The following AKAP13 variants were observed in gnomAD, a reference collection of about 807,000 sequenced individuals.
AKAP13 encodes A-kinase anchoring protein 13, also known as A-kinase anchor protein 13.
In AKAP13, 80 loss-of-function variants were observed where a neutral mutation model predicts 264.5. The ratio of observed to expected loss-of-function variants is 0.30; its 90% CI spans 0.25 to 0.36. AKAP13 has a LOEUF of 0.36. Among genes scored for constraint, AKAP13 ranks in the 10% least tolerant of loss-of-function variants. AKAP13 has a pLI of 1.00. For synonymous variants in AKAP13, 1,380 were observed against 1,250.2 expected, an observed-to-expected ratio of 1.10 and a Z score of -2.19; for missense variants, 3,712 against 3,435.2, an observed-to-expected ratio of 1.08 and a Z score of -2.01.
chr15:85,381,910 A>C (rs1028181222), intron 1 of AKAP13: 2 of 152,212 alleles, frequency 1.3e-5, no homozygotes, highest in African/African-American at 4.8e-5. Flanking sequence ...AGATGAGGAC[A>C]AACGGTGCAG....
chr15:85,681,145 A>G (rs2084577267), intron 14 of AKAP13, among the ~76,000 whole-genome samples: 1 of 152,230 alleles, frequency 6.6e-6, no homozygotes, highest in Admixed American at 6.5e-5. Flanking sequence ...GTAGTAGAAC[A>G]TCTTCAAATC....
At chr15:85,583,096 C>G (rs2079192009) in intron 7 of AKAP13, 1 of 985,482 alleles carries the variant, frequency 1.0e-6, no homozygotes, top group Non-Finnish European at 1.2e-6. Context: ...ATGCACACTT[C>G]TATACCACCA....
intron 1 of AKAP13, among the ~76,000 whole-genome samples, chr15:85,466,283 T>A (rs1017590415): frequency 1.3e-5 from 2 of 152,068 alleles, no homozygotes; most frequent in African/African-American, 2.4e-5. Flanking sequence ...GTTGTGAAAA[T>A]TTTCTCCCAT....
At chr15:85,442,138 G>A (rs903104800) in intron 1 of AKAP13, among the ~76,000 whole-genome samples, 8 of 151,852 alleles carry the variant, frequency 5.3e-5, no homozygotes, top group South Asian at 4.1e-4. Context: ...TAGGCTGGGC[G>A]CGGTGGCTCA....
intron 2 of AKAP13, among the ~76,000 whole-genome samples, chr15:85,496,081 C>T (rs547161859): frequency 2.0e-5 from 3 of 152,302 alleles, no homozygotes; most frequent in East Asian, 3.9e-4. Context: ...ATACACATTA[C>T]CTGATTTAAT....
chr15:85,447,374 A>ATT (rs2073937852), intron 1 of AKAP13, among the ~76,000 whole-genome samples: 1 of 151,568 alleles, frequency 6.6e-6, no homozygotes, highest in African/African-American at 2.4e-5. Context: ...CCTTTTTTAA[A>ATT]AAAAAATTTT....
chr15:85,686,137 A>G (rs2084898006), intron 16 of AKAP13, among the ~76,000 whole-genome samples: 3 of 132,058 alleles, frequency 2.3e-5, no homozygotes, highest in South Asian at 4.8e-4. Context: ...AACTCTTGCA[A>G]GGAATCACTG....
At chr15:85,393,187 G>A (rs2070949325) in intron 1 of AKAP13, among the ~76,000 whole-genome samples, 1 of 152,226 alleles carries the variant, frequency 6.6e-6, no homozygotes, top group Admixed American at 6.5e-5. Context: ...GGAAGAAAAT[G>A]GTTTTTGGAT....
At chr15:85,458,441 T>C (rs1028215021) in intron 1 of AKAP13, among the ~76,000 whole-genome samples, 3 of 150,040 alleles carry the variant, frequency 2.0e-5, no homozygotes, top group Non-Finnish European at 4.4e-5. Flanking sequence ...CACATCTGTA[T>C]TTTAGTTATC....
Position 85,716,126 on chromosome 15 carries a change from C to G in AKAP13, c.5735+203C>G, listed in dbSNP as rs544755757. ...TGTCGCAAGGATCTCCTTTAAATAC[C>G]CTTAGCAGGCTGGTTGCTGTAGGCT... On this transcript the variant is annotated intron_variant, in intron 20 of 36. Transcript: ENST00000394518. 4.0e-5 allele frequency among the ~76,000 whole-genome samples: 6 copies of G among 151,810 alleles called. No homozygotes were observed. In the East Asian group the frequency reaches 7.8e-4, roughly 20 times the overall value.
At chr15:85,593,369 T>TA (rs577686373) in intron 8 of AKAP13, among the ~76,000 whole-genome samples, 1 of 151,886 alleles carries the variant, frequency 6.6e-6, no homozygotes, top group East Asian at 1.9e-4. Context: ...GAGGATATCT[T>TA]ACATTTGGAC....
intron 1 of AKAP13, among the ~76,000 whole-genome samples, chr15:85,421,829 G>A (rs904022276): frequency 2.0e-4 from 31 of 151,946 alleles, no homozygotes; most frequent in African/African-American, 6.5e-4. Flanking sequence ...GCTGTTTTTC[G>A]GTGTGTATGC....
chr15:85,612,384 C>T (rs1438787337), intron 8 of AKAP13, among the ~76,000 whole-genome samples: 1 of 152,078 alleles, frequency 6.6e-6, no homozygotes, highest in Non-Finnish European at 1.5e-5. Flanking sequence ...TCTAGATTAC[C>T]ATCTGAAATA....
At chr15:85,590,342 C>T (rs991478139) in intron 8 of AKAP13, among the ~76,000 whole-genome samples, 2 of 152,160 alleles carry the variant, frequency 1.3e-5, no homozygotes, top group Non-Finnish European at 2.9e-5. Flanking sequence ...GAACCTCTGT[C>T]GAGTGGCACT....
intron 35 of AKAP13, among the ~76,000 whole-genome samples, chr15:85,742,425 C>G (rs1001778960): frequency 6.6e-6 from 1 of 152,184 alleles, no homozygotes; most frequent in Admixed American, 6.5e-5. Flanking sequence ...GCCAGAGTTG[C>G]TGGAAGAACC....
Position 85,718,252 on chromosome 15 carries a change from T to C in AKAP13, c.6001+93T>C, listed in dbSNP as rs2087068644. The C allele has an allele frequency of 6.9e-7, 1 of 1,449,350 alleles. No individual in the cohort carries two copies. The highest frequency in any genetic ancestry group is 2.0e-5 in the Admixed American group (1 of 50,646). The allele number at this position is 1,449,350 out of a possible 1,614,324, so 89.8% of individuals were successfully genotyped here. A position where few individuals can be genotyped will look rare whatever the true frequency, so the allele number is the denominator to read the frequency against. On this transcript the variant is annotated intron_variant, in intron 22 of 36. Transcript: ENST00000394518. This position sits in a 1 kb window ranked among gnomAD's most constrained non-coding sequence, Gnocchi z 4.9. The stretch of plus-strand genomic sequence containing the variant: ...GTTGGACTATGAAAAATCAGTTTTT[T>C]AGTATGTGGCTTCTTGAAAAGATTT...
At chr15:85,491,943 TTC>T (rs2075743630) in intron 2 of AKAP13, among the ~76,000 whole-genome samples, 2 of 151,842 alleles carry the variant, frequency 1.3e-5, no homozygotes, top group Non-Finnish European at 2.9e-5. Context: ...CATCGTTACT[TTC>T]GTCATACATA....
At chr15:85,699,473 A>G (rs1053561870) in intron 17 of AKAP13, among the ~76,000 whole-genome samples, 1 of 152,210 alleles carries the variant, frequency 6.6e-6, no homozygotes, top group South Asian at 2.1e-4. Context: ...TTTTACAAAA[A>G]TATCTGAAAG....
At chr15:85,707,993 T>C (rs2086407946) in intron 17 of AKAP13, 26 bp from the exon 18 acceptor site, 1 of 1,612,744 alleles carries the variant, frequency 6.2e-7, no homozygotes, top group African/African-American at 1.3e-5. Context: ...TTTGTCCATG[T>C]GACCTTGGGT....
Sources: gnomAD v4.1 joint callset for allele counts (sites outside exome capture counted in the v4.1 genomes callset) on GRCh38, gnomAD v4.1.1 for gene constraint, Gnocchi (gnomAD v3.1) non-coding constraint, MANE v1.5 for transcripts, NCBI Gene and HGNC (gene_info 2026-07-23, HGNC 2026-07-21) for gene names.